The following EEPD1 variants were observed in gnomAD, a reference collection of about 807,000 sequenced individuals.
The protein encoded by EEPD1 is endonuclease/exonuclease/phosphatase family domain containing 1.
A neutral mutation model predicts 46.3 loss-of-function variants in EEPD1; 17 were observed. The observed-to-expected ratio is 0.37, with a 90% CI of 0.25 to 0.55. The LOEUF is 0.55. Ranked by LOEUF, EEPD1 falls within the 20% of genes least tolerant of loss-of-function variation. EEPD1 has a pLI of 0.83. For missense variants in EEPD1, 673 were observed against 745.6 expected, an observed-to-expected ratio of 0.90 and a Z score of 1.13; for synonymous variants, 313 against 315.6, an observed-to-expected ratio of 0.99 and a Z score of 0.09.
rs1445863057 is a variant in EEPD1 at position 36,225,166 on chromosome 7, T to G, written c.879-13819T>G. Among the ~76,000 whole-genome samples, 1 of 152,188 alleles carries G rather than the reference T, an allele frequency of 6.6e-6. No individual in the cohort carries two copies. Among genetic ancestry groups the G allele is most frequent in the Non-Finnish European group, 1.5e-5 (1 of 68,036 alleles). On this transcript the variant is annotated intron_variant, in intron 2 of 7. Transcript: ENST00000242108. The surrounding 1 kb of genome is among the most constrained non-coding windows in gnomAD (Gnocchi z 4.2). ...GCCTCCAGAACTGAGGGAATGACTTTCTGTTGTGTTAAGTCACCAAGTTTG... is the reference window on the plus strand; with the variant it reads ...GCCTCCAGAACTGAGGGAATGACTTGCTGTTGTGTTAAGTCACCAAGTTTG...
At chr7:36,294,454 A>G (rs1423552951) in intron 6 of EEPD1, among the ~76,000 whole-genome samples, 1 of 152,224 alleles carries the variant, frequency 6.6e-6, no homozygotes, top group Non-Finnish European at 1.5e-5. Flanking sequence ...ATGAAAAAAT[A>G]AAAGTAAATT....
chr7:36,188,844 T>C (rs1441950553), intron 2 of EEPD1, among the ~76,000 whole-genome samples: 1 of 152,212 alleles, frequency 6.6e-6, no homozygotes, highest in Non-Finnish European at 1.5e-5. Flanking sequence ...AATGAATGCT[T>C]ATGAGGCCCA....
intron 2 of EEPD1, among the ~76,000 whole-genome samples, chr7:36,194,341 T>C (rs973487604): frequency 2.0e-5 from 3 of 152,220 alleles, no homozygotes; most frequent in African/African-American, 7.2e-5. Flanking sequence ...AATTCCAGTT[T>C]CAACCTGAGG....
chr7:36,183,286 G>A (rs964077828), intron 2 of EEPD1, among the ~76,000 whole-genome samples: 9 of 152,208 alleles, frequency 5.9e-5, no homozygotes, highest in African/African-American at 2.2e-4. Context: ...ATACAATTTA[G>A]TTGTGCTCCT....
chr7:36,273,551 G>A (rs926479295), intron 3 of EEPD1, among the ~76,000 whole-genome samples: 4 of 152,106 alleles, frequency 2.6e-5, no homozygotes, highest in Non-Finnish European at 4.4e-5. Context: ...TCTTTAGGTG[G>A]AGCTCACATG....
chr7:36,284,719 G>A lies in EEPD1; in HGVS notation c.1075G>A (p.Ala359Thr), dbSNP rs773614952. The A allele has an allele frequency of 6.2e-7, 1 of 1,611,628 alleles. No individual in the cohort carries two copies. The highest frequency in any genetic ancestry group is 8.5e-7 in the Non-Finnish European group (1 of 1,178,878). The change falls in exon 5 of 8, where the codon GCT (alanine) becomes ACT (threonine). Residue 359 changes from alanine (A) to threonine (T), a missense_variant. By Grantham distance (58) the Ala-to-Thr change is moderately conservative. Transcript: ENST00000242108. ...GTATGCAGGATTCCTATGGGACGCG[G>A]CTGCCGGCATGGAGCTGAGAGACGC... is the stretch of plus-strand genomic sequence containing the variant. Reference protein sequence around the residue: ...AGYAGFLWDAAAGMELRDAGS... With the variant: ...AGYAGFLWDATAGMELRDAGS...
At chr7:36,233,512 G>C (rs921681872) in intron 2 of EEPD1, among the ~76,000 whole-genome samples, 2 of 152,236 alleles carry the variant, frequency 1.3e-5, no homozygotes, top group Non-Finnish European at 2.9e-5. Context: ...ATGTAATTAT[G>C]AGCAAGAATG....
At chr7:36,287,972 C>T (rs1583479950) in intron 6 of EEPD1, among the ~76,000 whole-genome samples, 195 bp downstream of exon 6, 2 of 152,162 alleles carry the variant, frequency 1.3e-5, no homozygotes, top group African/African-American at 4.8e-5. Context: ...CTCTGTGGAC[C>T]TAGCATATGC....
chr7:36,256,911 A>G (rs1331138834), intron 3 of EEPD1, among the ~76,000 whole-genome samples: 1 of 151,660 alleles, frequency 6.6e-6, no homozygotes, highest in Non-Finnish European at 1.5e-5. Context: ...CAGTTTCTTC[A>G]TGTTGATGGT....
chr7:36,250,573 T>G (rs1019823624), intron 3 of EEPD1, among the ~76,000 whole-genome samples: 1 of 152,226 alleles, frequency 6.6e-6, no homozygotes, highest in African/African-American at 2.4e-5. Context: ...GCTTTTACAC[T>G]ATAACGACAG....
chr7:36,166,193 A>G (rs1784978460), intron 2 of EEPD1, among the ~76,000 whole-genome samples: 1 of 152,250 alleles, frequency 6.6e-6, no homozygotes, highest in Non-Finnish European at 1.5e-5. Context: ...TGCTGAACTC[A>G]GTTTAACGCC....
rs376599159 is a variant in EEPD1 at position 36,183,258 on chromosome 7, A to G, written c.878+28056A>G. Among the ~76,000 whole-genome samples the G allele has an allele frequency of 3.5e-4, 53 of 152,372 alleles. No homozygotes were observed. The South Asian group carries it at 0.01, about 29-fold the overall frequency. On this transcript the variant is annotated intron_variant, in intron 2 of 7. Coordinates refer to ENST00000242108, the MANE Select transcript of EEPD1 (RefSeq NM_030636.3). ...AACCAAAACCCAGCTCTCTTGGCAC[A>G]GGTTGTGTACTTGGCTAATACAATT...
chr7:36,287,894 G>C (rs923513860), intron 6 of EEPD1, 117 bp downstream of exon 6: 1 of 1,424,916 alleles, frequency 7.0e-7, no homozygotes, highest in African/African-American at 1.4e-5. Context: ...TGAGTCGCGG[G>C]TACAGGGGAC....
intron 2 of EEPD1, among the ~76,000 whole-genome samples, chr7:36,237,341 T>C (rs911349664): frequency 1.3e-5 from 2 of 152,226 alleles, no homozygotes; most frequent in Admixed American, 1.3e-4. Context: ...ATTGTGATGT[T>C]GTCTAGGCTG....
intron 2 of EEPD1, among the ~76,000 whole-genome samples, chr7:36,166,846 G>T (rs1217638671): frequency 6.6e-6 from 1 of 152,150 alleles, no homozygotes; most frequent in African/African-American, 2.4e-5. Context: ...AAATACCCTT[G>T]AATACTGAGA....
chr7:36,202,815 G>A (rs954428368), intron 2 of EEPD1, among the ~76,000 whole-genome samples: 1 of 152,178 alleles, frequency 6.6e-6, no homozygotes, highest in African/African-American at 2.4e-5. Flanking sequence ...CCAAGGTCAT[G>A]TAGCTTATAC....
At chr7:36,190,270 G>T (rs1179056210) in intron 2 of EEPD1, among the ~76,000 whole-genome samples, 6 of 152,174 alleles carry the variant, frequency 3.9e-5, no homozygotes, top group African/African-American at 1.4e-4. Flanking sequence ...TACTTGGGAG[G>T]CTGAGACAGG....
intron 3 of EEPD1, 29 bp from the exon 4 acceptor site, chr7:36,281,086 C>G: frequency 6.2e-7 from 1 of 1,605,258 alleles, no homozygotes; most frequent in Non-Finnish European, 8.5e-7. Flanking sequence ...CGCGAACCCA[C>G]GCTTCTGACC....
chr7:36,183,882 T>TG, intron 2 of EEPD1, among the ~76,000 whole-genome samples: 1 of 78,604 alleles, frequency 1.3e-5, no homozygotes, highest in African/African-American at 3.1e-5. Context: ...CTCGTTTTTT[T>TG]TTTTTTATTT....
Sources: gnomAD v4.1 joint callset for allele counts (sites outside exome capture counted in the v4.1 genomes callset) on GRCh38, gnomAD v4.1.1 for gene constraint, Gnocchi (gnomAD v3.1) non-coding constraint, MANE v1.5 for transcripts, NCBI Gene and HGNC (gene_info 2026-07-23, HGNC 2026-07-21) for gene names.